FBXL17: variants seen among roughly 807,000 people sequenced by gnomAD.
FBXL17 encodes F-box/LRR-repeat protein 17.
FBXL17 carries 22 observed loss-of-function variants against 66.2 expected under a neutral mutation model. The ratio of observed to expected loss-of-function variants is 0.33; its 90% CI spans 0.24 to 0.47. The LOEUF is 0.47. Among genes scored for constraint, FBXL17 ranks in the 20% least tolerant of loss-of-function variants. The pLI is 1.00. For missense variants in FBXL17, 878 were observed against 948.2 expected, an observed-to-expected ratio of 0.93 and a Z score of 0.97; for synonymous variants, 474 against 400.5, an observed-to-expected ratio of 1.18 and a Z score of -2.19.
chr5:107,918,259 C>A (rs1750199483), intron 7 of FBXL17, among the ~76,000 whole-genome samples: 1 of 152,176 alleles, frequency 6.6e-6, no homozygotes, highest in African/African-American at 2.4e-5. Context: ...GGTGGCAAAA[C>A]CAGAAGTGAT....
intron 7 of FBXL17, among the ~76,000 whole-genome samples, chr5:107,952,750 T>C (rs754149113): frequency 6.6e-6 from 1 of 152,214 alleles, no homozygotes; most frequent in Non-Finnish European, 1.5e-5. Flanking sequence ...TGTTGAAATA[T>C]TCACACATTC....
chr5:108,127,482 A>T (rs1018341997), intron 6 of FBXL17, among the ~76,000 whole-genome samples: 1 of 152,194 alleles, frequency 6.6e-6, no homozygotes, highest in Admixed American at 6.5e-5. Flanking sequence ...TCAAATTGGC[A>T]TAAGTGACAG....
chr5:108,136,879 T>C (rs893313881), intron 6 of FBXL17, among the ~76,000 whole-genome samples: 2 of 152,176 alleles, frequency 1.3e-5, no homozygotes, highest in Non-Finnish European at 2.9e-5. Flanking sequence ...CAGAATATTA[T>C]TGATGTTATT....
chr5:107,962,128 A>C (rs1278858553), intron 7 of FBXL17, among the ~76,000 whole-genome samples: 2 of 152,170 alleles, frequency 1.3e-5, no homozygotes, highest in African/African-American at 4.8e-5. Flanking sequence ...TCTCTTTCAG[A>C]TGATGAAAAA....
At chr5:108,094,324 T>G (rs1749293010) in intron 6 of FBXL17, among the ~76,000 whole-genome samples, 1 of 152,152 alleles carries the variant, frequency 6.6e-6, no homozygotes, top group Non-Finnish European at 1.5e-5. Context: ...TGTATCTTTG[T>G]ATACCTTATA....
At chr5:108,265,760 T>C (rs958962814) in intron 4 of FBXL17, among the ~76,000 whole-genome samples, 2 of 152,196 alleles carry the variant, frequency 1.3e-5, no homozygotes, top group African/African-American at 4.8e-5. Flanking sequence ...GCATCTCAAA[T>C]ATTAATGTGC....
chr5:108,139,664 T>G lies in FBXL17; in HGVS notation c.1745+46453A>C, dbSNP rs532084663. ...CTCAGGTTTTTATCTCACAATTTGATTGGCTTCAAAGAATAATGAGAGGAT... is the reference window on the plus strand; with the variant it reads ...CTCAGGTTTTTATCTCACAATTTGAGTGGCTTCAAAGAATAATGAGAGGAT... On this transcript the variant is annotated intron_variant, in intron 6 of 8. Coordinates refer to ENST00000542267, the MANE Select transcript of FBXL17 (RefSeq NM_001163315.3). 2.0e-5 allele frequency among the ~76,000 whole-genome samples: 3 copies of G among 152,318 alleles called. No homozygotes were observed. In the East Asian group the frequency reaches 5.8e-4, roughly 29 times the overall value.
intron 4 of FBXL17, among the ~76,000 whole-genome samples, chr5:108,251,815 T>A (rs895682466): frequency 6.6e-6 from 1 of 152,092 alleles, no homozygotes; most frequent in African/African-American, 2.4e-5. Context: ...AAATAACATA[T>A]TGTATAGTTC....
At chr5:108,144,469 T>A (rs1289824957) in intron 6 of FBXL17, among the ~76,000 whole-genome samples, 1 of 152,094 alleles carries the variant, frequency 6.6e-6, no homozygotes, top group Non-Finnish European at 1.5e-5. Flanking sequence ...AAATCTGATA[T>A]AAAAACAAAA....
chr5:108,316,994 A>G (rs1759395268), intron 4 of FBXL17, among the ~76,000 whole-genome samples: 1 of 151,324 alleles, frequency 6.6e-6, no homozygotes, highest in South Asian at 2.1e-4. Flanking sequence ...ATCACATTTA[A>G]AGTTATTTAT....
intron 6 of FBXL17, among the ~76,000 whole-genome samples, chr5:108,090,326 T>C (rs1323713056): frequency 1.3e-5 from 2 of 152,172 alleles, no homozygotes; most frequent in Non-Finnish European, 2.9e-5. Flanking sequence ...ATTTTCTCCC[T>C]TGTATTTCCC....
intron 7 of FBXL17, among the ~76,000 whole-genome samples, chr5:107,913,620 T>C (rs1201658547): frequency 6.6e-6 from 1 of 152,030 alleles, no homozygotes; most frequent in Non-Finnish European, 1.5e-5. Flanking sequence ...AACTCTTGAC[T>C]GCACTGCATC....
chr5:108,205,003 T>C (rs1754057591), intron 5 of FBXL17, among the ~76,000 whole-genome samples: 1 of 152,020 alleles, frequency 6.6e-6, no homozygotes, highest in South Asian at 2.1e-4. Flanking sequence ...CTCTAACTCT[T>C]GGGCTCAAAA....
intron 6 of FBXL17, among the ~76,000 whole-genome samples, chr5:108,053,742 C>T (rs1283549582): frequency 6.6e-6 from 1 of 152,050 alleles, no homozygotes; most frequent in Non-Finnish European, 1.5e-5. Context: ...ACCATTTGAC[C>T]CAGCAATCCC....
chr5:108,112,471 T>C (rs1750075960), intron 6 of FBXL17, among the ~76,000 whole-genome samples: 3 of 152,192 alleles, frequency 2.0e-5, no homozygotes, highest in Non-Finnish European at 4.4e-5. Context: ...GTAACTTTAA[T>C]TCTTCCCAGA....
rs149088404 is a variant in FBXL17 at position 107,914,725 on chromosome 5, G to C, written c.1823-33546C>G. On this transcript the variant is annotated intron_variant, in intron 7 of 8. Coordinates refer to ENST00000542267, the MANE Select transcript of FBXL17 (RefSeq NM_001163315.3). Reference sequence around the variant, plus strand: ...TGGTACTTATGAGGTGTAAGGTCTAGAACTATTGTAGCCCTTTCTGCTACC... The same window carrying C: ...TGGTACTTATGAGGTGTAAGGTCTACAACTATTGTAGCCCTTTCTGCTACC... 6.4e-4 allele frequency among the ~76,000 whole-genome samples: 98 copies of C among 152,276 alleles called. 1 individual carries two copies. In the East Asian group the frequency reaches 0.011, roughly 16 times the overall value.
intron 6 of FBXL17, among the ~76,000 whole-genome samples, chr5:108,126,526 A>C (rs934718691): frequency 2.0e-5 from 3 of 151,712 alleles, no homozygotes; most frequent in African/African-American, 7.3e-5. Context: ...AGAAATTGAC[A>C]GTTTATATTT....
chr5:107,869,211 C>T (rs548433670), intron 8 of FBXL17, among the ~76,000 whole-genome samples: 1 of 152,288 alleles, frequency 6.6e-6, no homozygotes, highest in Admixed American at 6.5e-5. Flanking sequence ...CTCCTGGTGG[C>T]CCAGAGGCAG....
Position 108,186,167 on chromosome 5 carries a change from G to A in FBXL17, c.1695C>T (p.Cys565=), listed in dbSNP as rs1189269542. 6.2e-7 allele frequency: 1 copy of A among 1,612,054 alleles called. No individual in the cohort carries two copies. Among genetic ancestry groups the A allele is most frequent in the Admixed American group, 1.7e-5 (1 of 59,996 alleles). Residue 565 remains cysteine, a synonymous_variant, in exon 6 of 9, where the codon TGC becomes TGT. Coordinates refer to ENST00000542267, the MANE Select transcript of FBXL17 (RefSeq NM_001163315.3). ...AGAGATTGAGAGAGCTAAGATTTTT[G>A]CACCTCTTGACAATTTCCATCACGG... ...NETVMEIVKR[C]KNLSSLNLCL... is the part of the protein sequence containing the mutation.
Sources: gnomAD v4.1 joint callset for allele counts (sites outside exome capture counted in the v4.1 genomes callset) on GRCh38, gnomAD v4.1.1 for gene constraint, MANE v1.5 for transcripts, NCBI Gene and HGNC (gene_info 2026-07-23, HGNC 2026-07-21) for gene names.